CNTN1: variants seen among roughly 807,000 people sequenced by gnomAD.
The protein encoded by CNTN1 is contactin 1.
In CNTN1, 38 loss-of-function variants were observed where a neutral mutation model predicts 126.4. The ratio of observed to expected loss-of-function variants is 0.30; its 90% CI spans 0.23 to 0.39. The LOEUF (loss-of-function observed/expected upper bound fraction) is 0.39, where lower values mean the gene tolerates loss of function less well. Among genes scored for constraint, CNTN1 ranks in the 10% least tolerant of loss-of-function variants. The pLI is 1.00. For missense variants in CNTN1, 1,009 were observed against 1,248.4 expected (o/e 0.81, Z 2.89); for synonymous variants, 413 against 422.6 (o/e 0.98, Z 0.28).
chr12:40,727,147 G>A (rs999980979), intron 1 of CNTN1, among the ~76,000 whole-genome samples: 2 of 150,942 alleles, frequency 1.3e-5, no homozygotes, highest in African/African-American at 4.9e-5. Context: ...TAATAAATGT[G>A]ATGATTACAC....
At chr12:40,768,492 T>C (rs769899685) in intron 1 of CNTN1, among the ~76,000 whole-genome samples, 25 of 152,236 alleles carry the variant, frequency 1.6e-4, no homozygotes, top group Non-Finnish European at 2.8e-4. Flanking sequence ...TAACCCTCTG[T>C]CTTTTTCTCA....
At chr12:40,787,201 C>A (rs1333139274) in intron 1 of CNTN1, among the ~76,000 whole-genome samples, 3 of 151,984 alleles carry the variant, frequency 2.0e-5, no homozygotes, top group Non-Finnish European at 4.4e-5. Flanking sequence ...ACTTAAAAAC[C>A]TTTATCTTTA....
chr12:40,802,252 A>G (rs1418613757), intron 1 of CNTN1, among the ~76,000 whole-genome samples: 2 of 151,990 alleles, frequency 1.3e-5, no homozygotes, highest in Non-Finnish European at 2.9e-5. Context: ...GATGACATCT[A>G]TAACAGGAAG....
intron 16 of CNTN1, among the ~76,000 whole-genome samples, chr12:40,990,869 A>C (rs1486784649): frequency 6.6e-6 from 1 of 152,040 alleles, no homozygotes; most frequent in Non-Finnish European, 1.5e-5. Flanking sequence ...AAAACCCTTA[A>C]ATTGTGCTGG....
intron 17 of CNTN1, among the ~76,000 whole-genome samples, chr12:41,010,570 T>G (rs954354288): frequency 6.6e-6 from 1 of 152,202 alleles, no homozygotes; most frequent in African/African-American, 2.4e-5. Flanking sequence ...TGCTATCTGG[T>G]GCTATAGCCT....
chr12:41,012,713 G>A (rs988334551), intron 17 of CNTN1, among the ~76,000 whole-genome samples: 10 of 152,142 alleles, frequency 6.6e-5, no homozygotes, highest in Non-Finnish European at 1.0e-4. Context: ...TGGCAGCCAC[G>A]CTAATTATTT....
chr12:40,866,102 T>A (rs1943285668), intron 1 of CNTN1, among the ~76,000 whole-genome samples: 1 of 142,570 alleles, frequency 7.0e-6, no homozygotes, highest in African/African-American at 2.5e-5. Context: ...ATTTTTAAAT[T>A]GTATTTTTAG....
chr12:40,856,187 A>G (rs1287730564), intron 1 of CNTN1, among the ~76,000 whole-genome samples: 1 of 152,104 alleles, frequency 6.6e-6, no homozygotes, highest in Non-Finnish European at 1.5e-5. Flanking sequence ...ATCTTTTTCC[A>G]AGTACAACTT....
intron 5 of CNTN1, among the ~76,000 whole-genome samples, chr12:40,923,608 A>G (rs183006062): frequency 3.2e-4 from 49 of 152,268 alleles, no homozygotes; most frequent in African/African-American, 1.2e-3. Context: ...TTCTGTTCTC[A>G]TTAATAATGG....
intron 1 of CNTN1, among the ~76,000 whole-genome samples, chr12:40,763,415 T>G (rs1390164720): frequency 2.0e-5 from 3 of 152,158 alleles, no homozygotes; most frequent in African/African-American, 7.2e-5. Context: ...AGTAATATAT[T>G]TATTAAGTAA....
chr12:40,907,075 T>C (rs1030476506), intron 1 of CNTN1, among the ~76,000 whole-genome samples: 10 of 152,180 alleles, frequency 6.6e-5, no homozygotes, highest in Admixed American at 6.5e-5. Flanking sequence ...TAATGTCTTT[T>C]CAAGATGAAA....
intron 23 of CNTN1, among the ~76,000 whole-genome samples, chr12:41,053,599 C>G (rs1949737509): frequency 6.7e-6 from 1 of 150,244 alleles, no homozygotes; most frequent in Admixed American, 6.6e-5. Context: ...TTTTGTAGCT[C>G]TCTGCAGCCA....
At chr12:40,996,198 C>T (rs1484257858) in intron 17 of CNTN1, among the ~76,000 whole-genome samples, 1 of 151,182 alleles carries the variant, frequency 6.6e-6, no homozygotes, top group Non-Finnish European at 1.5e-5. Flanking sequence ...GTGGCACAAT[C>T]ACAGCTCACT....
At chr12:40,866,247 T>C (rs1454938448) in intron 1 of CNTN1, among the ~76,000 whole-genome samples, 1 of 152,118 alleles carries the variant, frequency 6.6e-6, no homozygotes, top group Non-Finnish European at 1.5e-5. Context: ...CAAGATTATG[T>C]CATCTGCCAA....
intron 1 of CNTN1, among the ~76,000 whole-genome samples, chr12:40,760,579 C>T (rs941719387): frequency 1.3e-5 from 2 of 152,134 alleles, no homozygotes; most frequent in South Asian, 4.1e-4. Context: ...GTGGCTATAC[C>T]AGTGACTGGA....
chr12:40,932,441 C>T (rs1027005765), intron 7 of CNTN1, among the ~76,000 whole-genome samples: 10 of 151,916 alleles, frequency 6.6e-5, no homozygotes, highest in African/African-American at 1.9e-4. Flanking sequence ...AACCTCTTTC[C>T]TTTATAAATT....
chr12:40,932,296 A>T (rs1945915132), intron 7 of CNTN1, among the ~76,000 whole-genome samples: 1 of 151,860 alleles, frequency 6.6e-6, no homozygotes, highest in Admixed American at 6.6e-5. Context: ...ATGAGATCTG[A>T]TGGTTGTATA....
chr12:40,712,374 G>C (rs1941939036), intron 1 of CNTN1, among the ~76,000 whole-genome samples: 1 of 152,098 alleles, frequency 6.6e-6, no homozygotes, highest in Non-Finnish European at 1.5e-5. Flanking sequence ...AATAGTAGTG[G>C]ATAGGAACTA....
chr12:40,828,902 A>G (rs543345817), intron 1 of CNTN1, among the ~76,000 whole-genome samples: 11 of 152,294 alleles, frequency 7.2e-5, no homozygotes, highest in Admixed American at 2.0e-4. Flanking sequence ...CCCTCTTGTT[A>G]AGAATGCCTT....
Sources: gnomAD v4.1 joint callset for allele counts (sites outside exome capture counted in the v4.1 genomes callset) on GRCh38, gnomAD v4.1.1 for gene constraint, MANE v1.5 for transcripts, NCBI Gene and HGNC (gene_info 2026-07-23, HGNC 2026-07-21) for gene names.